SCN11A: variants seen among roughly 807,000 people sequenced by gnomAD.
SCN11A encodes the protein sodium voltage-gated channel alpha subunit 11.
Under a neutral mutation model 162.2 loss-of-function variants are expected in SCN11A, and 122 were observed. That is an observed-to-expected ratio of 0.75 (90% CI 0.65 to 0.87). SCN11A has a LOEUF of 0.87. Among genes scored for constraint, SCN11A ranks in the 40% least tolerant of loss-of-function variants. SCN11A has a pLI of 0.00. For missense variants in SCN11A, 2,015 were observed against 2,181.6 expected (o/e 0.92, Z 1.52); for synonymous variants, 758 against 751.5 (o/e 1.01, Z -0.14).
At chr3:38,863,824 T>C (rs2065002164) in intron 27 of SCN11A, among the ~76,000 whole-genome samples, 2 of 152,112 alleles carry the variant, frequency 1.3e-5, no homozygotes, top group African/African-American at 4.8e-5. Flanking sequence ...TTCTCATATC[T>C]GGAAATTTGG....
At chr3:38,908,955 C>G in intron 13 of SCN11A, 42 bp downstream of exon 13, 1 of 1,580,998 alleles carries the variant, frequency 6.3e-7, no homozygotes, top group Non-Finnish European at 8.7e-7. Context: ...GACCCCTTCC[C>G]CTCCCCAGAG....
intron 13 of SCN11A, 139 bp from the exon 14 acceptor site, chr3:38,908,261 T>C (rs2065832621): frequency 8.4e-6 from 6 of 717,080 alleles, no homozygotes; most frequent in South Asian, 3.4e-5. Flanking sequence ...CTACCTGGAC[T>C]ACGCTAGCTC....
intron 1 of SCN11A, among the ~76,000 whole-genome samples, chr3:39,041,326 A>G (rs753481643): frequency 6.6e-5 from 10 of 152,222 alleles, no homozygotes; most frequent in Non-Finnish European, 1.0e-4. Flanking sequence ...CTTTGGAGAC[A>G]TATGGACATT....
intron 3 of SCN11A, among the ~76,000 whole-genome samples, chr3:38,959,387 G>A (rs1458407561): frequency 2.0e-5 from 3 of 152,246 alleles, no homozygotes; most frequent in Admixed American, 6.5e-5. Context: ...TTCCTCCTAC[G>A]TGCCTAGTTC....
intron 7 of SCN11A, among the ~76,000 whole-genome samples, chr3:38,932,670 G>A (rs1168110682): frequency 6.6e-6 from 1 of 152,222 alleles, no homozygotes; most frequent in African/African-American, 2.4e-5. Context: ...GGCTGGGGGA[G>A]GGGCACCCAC....
intron 29 of SCN11A, chr3:38,850,034 G>T (rs923481056): frequency 1.8e-5 from 3 of 162,412 alleles, no homozygotes; most frequent in Non-Finnish European, 4.0e-5. Context: ...GTGCCACAGG[G>T]GCACAATAAT....
chr3:38,847,811 G>T, intron 29 of SCN11A, 69 bp from the exon 30 acceptor site: 2 of 994,282 alleles, frequency 2.0e-6, no homozygotes, highest in East Asian at 2.5e-5. Context: ...CCTGTCTCCT[G>T]CCTCAGAATC....
chr3:38,995,133 CT>C (rs77655744), intron 2 of SCN11A, among the ~76,000 whole-genome samples: 1,714 of 143,610 alleles, frequency 0.012, 14 homozygotes, highest in African/African-American at 0.031. Flanking sequence ...AATTTAAGAA[CT>C]TTTTTTTTTT....
chr3:38,978,780 C>A (rs73070504), intron 2 of SCN11A, among the ~76,000 whole-genome samples: 1 of 152,102 alleles, frequency 6.6e-6, no homozygotes, highest in Non-Finnish European at 1.5e-5. Context: ...GTGGACCCAG[C>A]GTGCTTTGGC....
chr3:38,903,208 G>C (rs2065732026), intron 16 of SCN11A, among the ~76,000 whole-genome samples: 1 of 152,126 alleles, frequency 6.6e-6, no homozygotes, highest in South Asian at 2.1e-4. Context: ...TGTTGTTTCT[G>C]ATATTCGAGG....
chr3:38,871,938 T>C (rs1047472912), intron 24 of SCN11A, among the ~76,000 whole-genome samples: 1 of 152,114 alleles, frequency 6.6e-6, no homozygotes, highest in Non-Finnish European at 1.5e-5. Flanking sequence ...GTGATGACAG[T>C]GTTAGAGACT....
chr3:38,861,449 A>G (rs903161830), intron 28 of SCN11A, among the ~76,000 whole-genome samples: 2 of 152,222 alleles, frequency 1.3e-5, no homozygotes, highest in African/African-American at 4.8e-5. Context: ...AGACTAAGCA[A>G]AAAGAACAAA....
Position 38,863,877 on chromosome 3 carries a change from C to A in SCN11A, c.3952-578G>T, listed in dbSNP as rs192918082. ...AGGCTAGATAAACTAGAACAGAATT[C>A]TTTTAAAATGTAAAGCTGAACTGGC... On this transcript the variant is annotated intron_variant, in intron 27 of 29. Coordinates refer to ENST00000302328, the MANE Select transcript of SCN11A (RefSeq NM_001349253.2). Among the ~76,000 whole-genome samples, 305 of 152,128 alleles carry A rather than the reference C, an allele frequency of 2.0e-3. 1 individual carries two copies. Among genetic ancestry groups the A allele is most frequent in the Middle Eastern group, 3.4e-3 (1 of 294 alleles).
intron 2 of SCN11A, among the ~76,000 whole-genome samples, chr3:38,969,906 A>G (rs1575341858): frequency 6.6e-6 from 1 of 151,756 alleles, no homozygotes; most frequent in Non-Finnish European, 1.5e-5. Context: ...CCCCCAATCT[A>G]CCTCCCACAT....
chr3:38,869,309 A>G (rs991949420), intron 26 of SCN11A, among the ~76,000 whole-genome samples: 4 of 152,180 alleles, frequency 2.6e-5, no homozygotes, highest in African/African-American at 9.6e-5. Flanking sequence ...AAGCCAAACT[A>G]GAGTGAAGGT....
intron 2 of SCN11A, among the ~76,000 whole-genome samples, chr3:38,993,181 C>T (rs1465867991): frequency 6.6e-6 from 1 of 152,222 alleles, no homozygotes; most frequent in African/African-American, 2.4e-5. Flanking sequence ...ACCTGGACTC[C>T]TCTGGGGTGG....
At chr3:38,883,496 T>C in intron 21 of SCN11A, 109 bp from the exon 22 acceptor site, 1 of 968,024 alleles carries the variant, frequency 1.0e-6, no homozygotes, top group South Asian at 1.6e-5. Context: ...CGACCTGCAG[T>C]TGCTCCCATT....
chr3:38,909,306 G>T, intron 12 of SCN11A, 112 bp from the exon 13 acceptor site: 1 of 932,442 alleles, frequency 1.1e-6, no homozygotes, highest in Non-Finnish European at 1.7e-6. Flanking sequence ...CCCCAGCACT[G>T]GTGGGCTCAG....
intron 13 of SCN11A, 86 bp downstream of exon 13, chr3:38,908,911 G>T: frequency 8.7e-7 from 1 of 1,147,940 alleles, no homozygotes; most frequent in Non-Finnish European, 1.3e-6. Context: ...GCCAAGGGTG[G>T]CAGCCTTGAG....
Sources: gnomAD v4.1 joint callset for allele counts (sites outside exome capture counted in the v4.1 genomes callset) on GRCh38, gnomAD v4.1.1 for gene constraint, MANE v1.5 for transcripts, NCBI Gene and HGNC (gene_info 2026-07-23, HGNC 2026-07-21) for gene names.